Variants in POU2F1 observed in about 807,000 individuals in gnomAD.
POU2F1 encodes POU class 2 homeobox 1, also known as POU domain, class 2, transcription factor 1.
Under a neutral mutation model 84.9 loss-of-function variants are expected in POU2F1, and 16 were observed. That is an observed-to-expected ratio of 0.19 (90% CI 0.13 to 0.29). The LOEUF (loss-of-function observed/expected upper bound fraction) is 0.29. Among genes scored for constraint, POU2F1 ranks in the 10% least tolerant of loss-of-function variants. The probability of loss-of-function intolerance (pLI) is 1.00; values close to 1 mark genes in which losing one functional copy is unlikely to be tolerated. For synonymous variants in POU2F1, 368 were observed against 368.3 expected, an observed-to-expected ratio of 1.00 and a Z score of 0.01; for missense variants, 738 against 942.6, an observed-to-expected ratio of 0.78 and a Z score of 2.84.
intron 10 of POU2F1, among the ~76,000 whole-genome samples, chr1:167,397,415 A>G (rs1648885993): frequency 1.3e-5 from 2 of 152,244 alleles, no homozygotes; most frequent in Non-Finnish European, 2.9e-5. Context: ...AAGGATAGGA[A>G]TAGTAAACCT....
intron 1 of POU2F1, among the ~76,000 whole-genome samples, chr1:167,263,226 A>T (rs1651696336): frequency 6.6e-6 from 1 of 152,214 alleles, no homozygotes; most frequent in Admixed American, 6.5e-5. Context: ...CAGCTATTTT[A>T]AAAAACATGT....
chr1:167,289,704 A>G (rs868072978), intron 1 of POU2F1, among the ~76,000 whole-genome samples: 3 of 152,314 alleles, frequency 2.0e-5, no homozygotes, highest in Middle Eastern at 3.4e-3. Context: ...TAAAATTTCT[A>G]TCTCAGGTCT....
At chr1:167,319,054 C>CA (rs1487869545) in intron 1 of POU2F1, 1 of 153,430 alleles carries the variant, frequency 6.5e-6, no homozygotes, top group Non-Finnish European at 1.5e-5. Context: ...GATCTGTCCC[C>CA]AGGTAGGTGG....
intron 2 of POU2F1, among the ~76,000 whole-genome samples, chr1:167,350,327 A>T (rs1198093196): frequency 6.6e-6 from 1 of 152,126 alleles, no homozygotes; most frequent in South Asian, 2.1e-4. Flanking sequence ...TTTTGTTGGA[A>T]ATGGGCTATT....
chr1:167,313,652 CAGA>C (rs1655656829), intron 1 of POU2F1, among the ~76,000 whole-genome samples: 1 of 151,966 alleles, frequency 6.6e-6, no homozygotes, highest in Non-Finnish European at 1.5e-5. Flanking sequence ...AAAAACAAAA[CAGA>C]AGAACATCTT....
intron 1 of POU2F1, among the ~76,000 whole-genome samples, chr1:167,327,783 A>G (rs1165151896): frequency 6.6e-6 from 1 of 152,200 alleles, no homozygotes; most frequent in Admixed American, 6.5e-5. Context: ...AATAGCCAAG[A>G]GCACAGATTC....
chr1:167,270,004 A>G (rs1401645498), intron 1 of POU2F1, among the ~76,000 whole-genome samples: 1 of 151,438 alleles, frequency 6.6e-6, no homozygotes, highest in Non-Finnish European at 1.5e-5. Flanking sequence ...GCAATTTGTG[A>G]CTTAACATTT....
At chr1:167,294,531 C>T (rs1654156443) in intron 1 of POU2F1, among the ~76,000 whole-genome samples, 1 of 152,124 alleles carries the variant, frequency 6.6e-6, no homozygotes, top group Non-Finnish European at 1.5e-5. Context: ...TGACAAAGGA[C>T]TAGTATCCAG....
At chr1:167,371,470 C>T (rs996788208) in intron 4 of POU2F1, among the ~76,000 whole-genome samples, 4 of 152,050 alleles carry the variant, frequency 2.6e-5, no homozygotes, top group East Asian at 1.9e-4. Context: ...CTAGATTTAC[C>T]GTTCTGTAAA....
intron 13 of POU2F1, 77 bp from the exon 14 acceptor site, chr1:167,411,882 G>A (rs1649988531): frequency 7.7e-7 from 1 of 1,305,850 alleles, no homozygotes; most frequent in African/African-American, 1.5e-5. Context: ...ATTGATTATA[G>A]AGTTTGGCTG....
At chr1:167,310,364 C>T (rs1239470539) in intron 1 of POU2F1, among the ~76,000 whole-genome samples, 1 of 152,062 alleles carries the variant, frequency 6.6e-6, no homozygotes, top group African/African-American at 2.4e-5. Context: ...AAACAAACCT[C>T]TACTCAGATT....
intron 9 of POU2F1, among the ~76,000 whole-genome samples, chr1:167,395,524 G>A (rs16858971): frequency 0.12 from 17,580 of 152,162 alleles, 2,683 homozygotes; most frequent in African/African-American, 0.36. Context: ...TGATTAGTTC[G>A]TAAATATCTT....
At chr1:167,344,168 C>T (rs1468737845) in intron 2 of POU2F1, among the ~76,000 whole-genome samples, 1 of 152,084 alleles carries the variant, frequency 6.6e-6, no homozygotes, top group African/African-American at 2.4e-5. Flanking sequence ...TAGTGACTAC[C>T]ATATTGGCCA....
chr1:167,272,984 T>C (rs1347619798), intron 1 of POU2F1, among the ~76,000 whole-genome samples: 1 of 152,140 alleles, frequency 6.6e-6, no homozygotes. Context: ...AGTTAGTTAC[T>C]TCCAAGATAA....
intron 2 of POU2F1, among the ~76,000 whole-genome samples, chr1:167,359,552 T>A (rs556513285): frequency 1.3e-5 from 2 of 152,350 alleles, no homozygotes; most frequent in East Asian, 1.9e-4. Context: ...ACGGTGCATA[T>A]GTACCATATT....
chr1:167,407,453 A>G (rs1649661037), intron 13 of POU2F1, among the ~76,000 whole-genome samples: 1 of 152,260 alleles, frequency 6.6e-6, no homozygotes, highest in South Asian at 2.1e-4. Context: ...AACAATTTTG[A>G]GAAAGAGTGA....
At chr1:167,302,113 G>C (rs548837107) in intron 1 of POU2F1, among the ~76,000 whole-genome samples, 2 of 151,644 alleles carry the variant, frequency 1.3e-5, no homozygotes, top group African/African-American at 4.8e-5. Context: ...TGTCACCCAG[G>C]CAGGCCGGAG....
At position 167,389,845 on chromosome 1, in the gene POU2F1, C is replaced by T. The variant is rs1027649814; in HGVS notation, c.987+84C>T. 4.2e-6 allele frequency: 6 copies of T among 1,442,844 alleles called. No individual in the cohort carries two copies. The African/African-American group carries it at 4.2e-5, about 10-fold the overall frequency. The allele number at this position is 1,442,844 out of a possible 1,614,324, so 89.4% of individuals were successfully genotyped here. On this transcript the variant is annotated intron_variant, in intron 9 of 15. Coordinates refer to ENST00000367866, the MANE Select transcript of POU2F1 (RefSeq NM_002697.4). ...CTCTCTGTATTCATGGATTCCACAT[C>T]TGTGGATTCAACTAGTCCAAAATAT...
rs1291830456 is a variant in POU2F1, at chr1:167,396,229, A to G, written c.988-57A>G. 2.5e-6 allele frequency: 4 copies of G among 1,592,372 alleles called. No homozygotes were observed. In the African/African-American group the frequency reaches 5.4e-5, roughly 21 times the overall value. Reference sequence around the variant, plus strand: ...ACACCCCAGAGTGAAGGCTTTAAGCACTGGTGAGATAACTCTGTCTTTCCT... The same window carrying G: ...ACACCCCAGAGTGAAGGCTTTAAGCGCTGGTGAGATAACTCTGTCTTTCCT... On this transcript the variant is annotated intron_variant, in intron 9 of 15. Coordinates refer to ENST00000367866, the MANE Select transcript of POU2F1 (RefSeq NM_002697.4).
Sources: gnomAD v4.1 joint callset for allele counts (sites outside exome capture counted in the v4.1 genomes callset) on GRCh38, gnomAD v4.1.1 for gene constraint, MANE v1.5 for transcripts, NCBI Gene and HGNC (gene_info 2026-07-23, HGNC 2026-07-21) for gene names.